Variants in ZMYND8 observed in about 807,000 individuals in gnomAD.
ZMYND8 encodes MYND-type zinc finger-containing chromatin reader ZMYND8.
A neutral mutation model predicts 140.8 loss-of-function variants in ZMYND8; 37 were observed. The ratio of observed to expected loss-of-function variants is 0.26; its 90% confidence interval spans 0.20 to 0.35. The LOEUF is 0.35. ZMYND8 is among the 10% of genes least tolerant of loss of function. The pLI is 1.00. For synonymous variants in ZMYND8, 592 were observed against 597.1 expected (o/e 0.99, Z 0.12); for missense variants, 1,068 against 1,570.0 (o/e 0.68, Z 5.40).
intron 13 of ZMYND8, among the ~76,000 whole-genome samples, chr20:47,249,020 A>T (rs552266719): frequency 6.6e-6 from 1 of 152,158 alleles, no homozygotes; most frequent in Non-Finnish European, 1.5e-5. Context: ...TCTGCTTGCA[A>T]ACCTTGATGA....
rs552344807 is a variant in ZMYND8 at position 47,313,398 on chromosome 20, G to A, written c.86-3194C>T. ...AGCACTTTGGGAGGCCAAGGCGGGC[G>A]GATTACAAAGTCAGGAGATCGAGAC... On this transcript the variant is annotated intron_variant, in intron 2 of 22. Coordinates refer to ENST00000471951, the MANE Select transcript of ZMYND8 (RefSeq NM_001281775.3). 6.7e-3 allele frequency among the ~76,000 whole-genome samples: 1,015 copies of A among 152,064 alleles called. 10 individuals carry two copies. The highest frequency in any genetic ancestry group is 8.1e-3 in the Non-Finnish European group (553 of 67,946).
intron 2 of ZMYND8, among the ~76,000 whole-genome samples, chr20:47,344,354 T>C (rs920331216): frequency 3.9e-5 from 6 of 152,170 alleles, no homozygotes; most frequent in Non-Finnish European, 8.8e-5. Flanking sequence ...TCTGTAGTCT[T>C]CTTCCTCCCC....
intron 2 of ZMYND8, among the ~76,000 whole-genome samples, chr20:47,310,458 A>G (rs1404522749): frequency 6.6e-6 from 1 of 152,198 alleles, no homozygotes; most frequent in Non-Finnish European, 1.5e-5. Context: ...TACAAAAATC[A>G]GGAAATTTCA....
chr20:47,272,755 G>A (rs907799782), intron 11 of ZMYND8, among the ~76,000 whole-genome samples: 2 of 152,172 alleles, frequency 1.3e-5, no homozygotes, highest in Non-Finnish European at 2.9e-5. Context: ...CTACACTGTT[G>A]TACAAGTTTT....
intron 11 of ZMYND8, among the ~76,000 whole-genome samples, chr20:47,263,129 T>A (rs1324520548): frequency 6.6e-6 from 1 of 152,142 alleles, no homozygotes; most frequent in Admixed American, 6.6e-5. Context: ...ATAAACCACT[T>A]ACGTTTAAAA....
chr20:47,334,388 A>G (rs2148477776), intron 2 of ZMYND8, among the ~76,000 whole-genome samples: 1 of 152,262 alleles, frequency 6.6e-6, no homozygotes, highest in African/African-American at 2.4e-5. Flanking sequence ...TAAGTGAACG[A>G]ACTCAGACCA....
chr20:47,212,597 C>T (rs571846595), intron 22 of ZMYND8, 45 bp downstream of exon 22: 1 of 1,602,264 alleles, frequency 6.2e-7, no homozygotes, highest in African/African-American at 1.3e-5. Context: ...TTCTGCATAC[C>T]AGGAAGAAGC....
intron 11 of ZMYND8, among the ~76,000 whole-genome samples, chr20:47,270,906 T>A (rs564731197): frequency 7.3e-5 from 11 of 151,578 alleles, no homozygotes; most frequent in Non-Finnish European, 1.3e-4. Context: ...TAAAACCCTG[T>A]CTCTACTAAA....
rs1196439874 is a variant in ZMYND8 at position 47,220,472 on chromosome 20, G to A, written c.3418-148C>T. Reference sequence around the variant, plus strand: ...CTGGCACGGTCAGGTGGGAGTGATGGGCACAGGGCGGCCAGGTGGCCAAAC... The same window carrying A: ...CTGGCACGGTCAGGTGGGAGTGATGAGCACAGGGCGGCCAGGTGGCCAAAC... On this transcript the variant is annotated intron_variant, in intron 20 of 22. Transcript: ENST00000471951. The A allele has an allele frequency of 4.4e-6, 3 of 686,598 alleles. No homozygotes were observed. In the Admixed American group the frequency reaches 7.0e-5, roughly 16 times the overall value. 42.5% of individuals were successfully genotyped at this position (686,598 alleles called of 1,614,324 possible).
chr20:47,228,421 T>C (rs933578071), intron 17 of ZMYND8, among the ~76,000 whole-genome samples: 4 of 152,140 alleles, frequency 2.6e-5, no homozygotes, highest in Non-Finnish European at 5.9e-5. Context: ...TTATAACCTC[T>C]CTAAAATCCA....
chr20:47,275,699 C>T (rs1601521200), intron 11 of ZMYND8, among the ~76,000 whole-genome samples: 2 of 152,222 alleles, frequency 1.3e-5, no homozygotes, highest in Admixed American at 6.5e-5. Flanking sequence ...ACCTCCCAGG[C>T]TCCGGCAATC....
intron 16 of ZMYND8, among the ~76,000 whole-genome samples, chr20:47,235,752 G>T (rs1328332996): frequency 2.0e-5 from 3 of 151,776 alleles, no homozygotes; most frequent in African/African-American, 7.3e-5. Flanking sequence ...AAAAAGAAGG[G>T]GCCTGTGCTG....
chr20:47,259,893 C>T (rs911808321), intron 12 of ZMYND8, among the ~76,000 whole-genome samples: 1 of 152,308 alleles, frequency 6.6e-6, no homozygotes, highest in Middle Eastern at 3.4e-3. Flanking sequence ...CCCAATCCCA[C>T]GTACACGTCA....
At chr20:47,284,589 C>T (rs765285855) in intron 8 of ZMYND8, among the ~76,000 whole-genome samples, 11 of 152,114 alleles carry the variant, frequency 7.2e-5, no homozygotes, top group Non-Finnish European at 1.3e-4. Context: ...GCAGCAGTTC[C>T]GCTCCCCAAC....
intron 16 of ZMYND8, among the ~76,000 whole-genome samples, chr20:47,232,423 A>T (rs2038628381): frequency 6.6e-6 from 1 of 151,130 alleles, no homozygotes; most frequent in Admixed American, 6.6e-5. Flanking sequence ...TGTCAAGGGG[A>T]GCTGGGGTCC....
At chr20:47,356,046 C>T (rs969028631) in intron 1 of ZMYND8, among the ~76,000 whole-genome samples, 2 of 152,094 alleles carry the variant, frequency 1.3e-5, no homozygotes, top group African/African-American at 4.8e-5. Flanking sequence ...ACCTAGGCCC[C>T]AGGAGCTAGA....
chr20:47,341,725 C>T (rs757423304), intron 2 of ZMYND8, among the ~76,000 whole-genome samples: 6 of 151,914 alleles, frequency 3.9e-5, no homozygotes, highest in African/African-American at 7.2e-5. Context: ...AAAACTTGGC[C>T]GGGCGCGGTG....
chr20:47,293,490 C>CTGTA (rs1425695178), intron 5 of ZMYND8, among the ~76,000 whole-genome samples: 1 of 152,170 alleles, frequency 6.6e-6, no homozygotes, highest in Non-Finnish European at 1.5e-5. Flanking sequence ...GGGGCAAAGG[C>CTGTA]TGTATATCAA....
At chr20:47,296,044 G>C (rs2077614338) in intron 4 of ZMYND8, among the ~76,000 whole-genome samples, 1 of 152,070 alleles carries the variant, frequency 6.6e-6, no homozygotes, top group Admixed American at 6.6e-5. Flanking sequence ...GCTGAAAACA[G>C]TGCATGACGC....
Sources: gnomAD v4.1 joint callset for allele counts (sites outside exome capture counted in the v4.1 genomes callset) on GRCh38, gnomAD v4.1.1 for gene constraint, MANE v1.5 for transcripts, NCBI Gene and HGNC (gene_info 2026-07-23, HGNC 2026-07-21) for gene names.